Variants in DDX51 observed in about 807,000 individuals in gnomAD.
DDX51 encodes the protein DEAD-box helicase 51, also known as ATP-dependent RNA helicase DDX51.
DDX51 carries 67 observed loss-of-function variants against 74.6 expected under a neutral mutation model. That is an observed-to-expected ratio of 0.90 (90% CI 0.74 to 1.10). The LOEUF (loss-of-function observed/expected upper bound fraction) is 1.10. Among genes scored for constraint, DDX51 ranks in the 50% least tolerant of loss-of-function variants. The pLI is 0.00. For missense variants in DDX51, 1,056 were observed against 905.2 expected (o/e 1.17, Z -2.14); for synonymous variants, 545 against 402.9 (o/e 1.35, Z -4.22).
chr12:132,140,233 G>A (rs1897394627), intron 11 of DDX51, 34 bp from the exon 12 acceptor site: 3 of 1,600,586 alleles, frequency 1.9e-6, no homozygotes, highest in Non-Finnish European at 2.6e-6. Flanking sequence ...GGCCCGACGT[G>A]CCAGGAGCAG....
At position 132,143,822 on chromosome 12, in the gene DDX51, G is replaced by A. The variant is rs767757275; in HGVS notation, c.392C>T (p.Ala131Val). Residue 131 changes from alanine to valine, a missense_variant, in exon 2 of 15, where the codon GCG becomes GTG. Coordinates refer to ENST00000397333, the MANE Select transcript of DDX51 (RefSeq NM_175066.4). Reference protein sequence around the residue: ...GEPSAGSSEEAPGERSTSASA... With the variant: ...GEPSAGSSEEVPGERSTSASA... ...GGCGCTGGTGCTGCGCTCCCCCGGC[G>A]CCTCCTCGCTGCTCCCTGCGCTGGG... 15 of 1,498,104 alleles carry A rather than the reference G, an allele frequency of 1.0e-5. No individual in the cohort carries two copies. The highest frequency in any genetic ancestry group is 2.8e-5 in the East Asian group (1 of 35,408). 92.8% of individuals were successfully genotyped at this position (1,498,104 alleles called of 1,614,324 possible).
chr12:132,141,619 G>A lies in DDX51; in HGVS notation c.996-13C>T, dbSNP rs371485547. ...GTACCCATCAGCTCTACAGACCAGAGAGCAGCTCGAGAGAAGGAAGCTTTC... is the reference window on the plus strand; with the variant it reads ...GTACCCATCAGCTCTACAGACCAGAAAGCAGCTCGAGAGAAGGAAGCTTTC... On this transcript the variant is annotated splice_polypyrimidine_tract_variant and intron_variant, in intron 6 of 14. Transcript: ENST00000397333. 1.9e-6 allele frequency: 3 copies of A among 1,560,258 alleles called. No homozygotes were observed. The highest frequency in any genetic ancestry group is 2.6e-6 in the Non-Finnish European group (3 of 1,155,926).
At position 132,142,732 on chromosome 12, in the gene DDX51, A is replaced by C. The variant is rs1367367395; in HGVS notation, c.666T>G (p.Phe222Leu). ...GCCTGCCCGGGGCTGGGGCACCTGG[A>C]AAGTAGGACGAGATGCCGTGTGCCC... ...QLRAHGISSYFPVQAAVIPAL... is the reference protein window; with the variant it reads ...QLRAHGISSYLPVQAAVIPAL... The change falls in exon 3 of 15, where the codon TTT becomes TTG. Residue 222 changes from phenylalanine to leucine, a missense_variant. Transcript: ENST00000397333. 1.2e-6 allele frequency: 2 copies of C among 1,612,506 alleles called. No individual in the cohort carries two copies. The highest frequency in any genetic ancestry group is 1.7e-5 in the Admixed American group (1 of 59,996).
Position 132,142,442 on chromosome 12 carries a change from A to C in DDX51, c.671-20T>G. The C allele has an allele frequency of 6.2e-7, 1 of 1,608,980 alleles. No homozygotes were observed. The highest frequency in any genetic ancestry group is 8.5e-7 in the Non-Finnish European group (1 of 1,179,484). On this transcript the variant is annotated intron_variant, in intron 3 of 14. Transcript: ENST00000397333. ...CCTGGACTGGATGAGGAAAGGCGAG[A>C]GAGAAGTCGTGTTTACGCCTAGGCC...
At position 132,136,827 on chromosome 12, in the gene DDX51, CTAAGT is replaced by C. The variant is rs1897269467; in HGVS notation, c.*2440_*2444del. ...TCCAGGCACACGCCACCACGCTCAG[CTAAGT>C]TTTGTATTTTTAGTAGAGATGGGGT... On this transcript the variant is annotated 3_prime_UTR_variant, in exon 15 of 15. Transcript: ENST00000397333. 1 of 152,196 alleles carries C rather than the reference CTAAGT, an allele frequency of 6.6e-6. No homozygotes were observed. Among genetic ancestry groups the C allele is most frequent in the Admixed American group, 6.5e-5 (1 of 15,272 alleles). The allele number at this position is 152,196 out of a possible 1,614,324, so 9.4% of individuals were successfully genotyped here. A position where few individuals can be genotyped will look rare whatever the true frequency, so the allele number is the denominator to read the frequency against.
rs775929353 is a variant in DDX51, at chr12:132,140,240, G to C, written c.1674-41C>G. 4 of 1,596,574 alleles carry C rather than the reference G, an allele frequency of 2.5e-6. No homozygotes were observed. In the South Asian group the frequency reaches 3.3e-5, roughly 13 times the overall value. ...GCATTGTGGGCCCGACGTGCCAGGA[G>C]CAGGGGCCGTGGCAGCACCGGCCCT... On this transcript the variant is annotated intron_variant, in intron 11 of 14. Transcript: ENST00000397333.
rs1456961065 is a variant in DDX51 at position 132,138,001 on chromosome 12, A to C, written c.*1271T>G. On this transcript the variant is annotated 3_prime_UTR_variant, in exon 15 of 15. Coordinates refer to ENST00000397333, the MANE Select transcript of DDX51 (RefSeq NM_175066.4). ...TTCCGGGTTCATCCACGGGGTGCCT[A>C]TGCTGGTGCCTCACTCCTTTTTCTC... 6.6e-6 allele frequency: 1 copy of C among 152,208 alleles called. No individual in the cohort carries two copies. The highest frequency in any genetic ancestry group is 1.5e-5 in the Non-Finnish European group (1 of 68,058). The allele number at this position is 152,208 out of a possible 1,614,324, so 9.4% of individuals were successfully genotyped here.
chr12:132,140,453 A>G lies in DDX51; in HGVS notation c.1643T>C (p.Leu548Pro), dbSNP rs1337417897. ...GATCTTCCCCTGTTCAAACTGCTTC[A>G]GGATCATCCTCCTCTGGCCAGGCCC... ...RYGPGQRRMI[L>P]KQFEQGKIQL... The change falls in exon 11 of 15, where the codon CTG (leucine) becomes CCG (proline). Residue 548 changes from leucine (L) to proline (P), a missense_variant. Coordinates refer to ENST00000397333, the MANE Select transcript of DDX51 (RefSeq NM_175066.4). 6.2e-7 allele frequency: 1 copy of G among 1,613,294 alleles called. No homozygotes were observed. Among genetic ancestry groups the G allele is most frequent in the Non-Finnish European group, 8.5e-7 (1 of 1,180,010 alleles).
chr12:132,144,163 C>T lies in DDX51; in HGVS notation c.134G>A (p.Arg45Gln). 2 of 1,177,200 alleles carry T rather than the reference C, an allele frequency of 1.7e-6. No individual in the cohort carries two copies. The highest frequency in any genetic ancestry group is 1.6e-5 in the African/African-American group (1 of 62,222). The allele number at this position is 1,177,200 out of a possible 1,614,324, so 72.9% of individuals were successfully genotyped here. A position where few individuals can be genotyped will look rare whatever the true frequency, so the allele number is the denominator to read the frequency against. ...CTGCGCGGGCTCCCGCTGCTGCTGC[C>T]GTTCGCGGGCCCGGCTCTGCAGCCG... is the stretch of plus-strand genomic sequence containing the variant. ...LERLQSRARERQQQREPAQTE... is the reference protein window; with the variant it reads ...LERLQSRAREQQQQREPAQTE... Residue 45 changes from arginine (R) to glutamine (Q), a missense_variant, in exon 1 of 15, where the codon CGG becomes CAG. Arg to Gln is a conservative substitution (Grantham distance 43). Coordinates refer to ENST00000397333, the MANE Select transcript of DDX51 (RefSeq NM_175066.4).
Position 132,139,654 on chromosome 12 carries a change from T to C in DDX51, c.1955A>G (p.Gln652Arg), listed in dbSNP as rs752738328. The C allele has an allele frequency of 1.9e-6, 3 of 1,613,096 alleles. No homozygotes were observed. In the East Asian group the frequency reaches 6.7e-5, roughly 36 times the overall value. The change falls in exon 14 of 15, where the codon CAG becomes CGG. Residue 652 changes from glutamine to arginine, a missense_variant. Gln to Arg is a conservative substitution (Grantham distance 43). Transcript: ENST00000397333. ...CCTTACCTTGACAGACTCCTCCAGC[T>C]GGGACAGGGCCTCCTCGTACCGAGG... ...LVPRYEEALS[Q>R]LEESVKEERK...
Position 132,141,017 on chromosome 12 carries a change from G to A in DDX51, c.1254C>T (p.Thr418=), listed in dbSNP as rs967968660. The A allele has an allele frequency of 5.7e-6, 9 of 1,589,404 alleles. No individual in the cohort carries two copies. The highest frequency in any genetic ancestry group is 1.9e-5 in the Admixed American group (1 of 52,434). Residue 418 remains threonine, a synonymous_variant, in exon 9 of 15, where the codon ACC becomes ACT. Coordinates refer to ENST00000397333, the MANE Select transcript of DDX51 (RefSeq NM_175066.4). ...RQAQAVTAAS[T]CCPQMPLQKL... is the part of the protein sequence containing the mutation. Reference sequence around the variant, plus strand: ...TCTGCAGGGGCATCTGGGGACAGCAGGTGCTGGAAGAGAAGGGGGTGTTGC... The same window carrying A: ...TCTGCAGGGGCATCTGGGGACAGCAAGTGCTGGAAGAGAAGGGGGTGTTGC...
At chr12:132,142,586 A>G (rs1306231646) in intron 3 of DDX51, 142 bp downstream of exon 3, 60 of 1,470,954 alleles carry the variant, frequency 4.1e-5, no homozygotes, top group Non-Finnish European at 5.2e-5. Context: ...CAGGAGACCC[A>G]AGTGGGAACC....
intron 14 of DDX51, 162 bp from the exon 15 acceptor site, chr12:132,139,460 C>T: frequency 6.6e-7 from 1 of 1,521,288 alleles, no homozygotes; most frequent in Non-Finnish European, 9.1e-7. Context: ...CGTGTTTCCA[C>T]CACTGGTGCC....
At chr12:132,142,082 C>G (rs114915755) in intron 5 of DDX51, 37 bp downstream of exon 5, 3 of 1,561,682 alleles carry the variant, frequency 1.9e-6, no homozygotes, top group Non-Finnish European at 2.6e-6. Flanking sequence ...GAAGCTGAGG[C>G]GGGCGGTGCC....
chr12:132,140,147 G>C lies in DDX51; in HGVS notation c.1726C>G (p.Leu576Val), dbSNP rs1360634024. 6.2e-7 allele frequency: 1 copy of C among 1,612,912 alleles called. No homozygotes were observed. The highest frequency in any genetic ancestry group is 8.5e-7 in the Non-Finnish European group (1 of 1,179,986). Residue 576 changes from leucine (L) to valine (V), a missense_variant, in exon 12 of 15, where the codon CTG becomes GTG. Transcript: ENST00000397333. ...TGGGGGGCGTCGTAGTTCACCACCA[G>C]CTCCACACCCTGCACGTCGATGCCT... ...ARGIDVQGVELVVNYDAPQYL... is the reference protein window; with the variant it reads ...ARGIDVQGVEVVVNYDAPQYL...
chr12:132,142,211 G>A (rs1295177329), intron 4 of DDX51, 21 bp from the exon 5 acceptor site: 6 of 1,582,468 alleles, frequency 3.8e-6, no homozygotes, highest in African/African-American at 2.7e-5. Context: ...AGGAGCGCCT[G>A]CGTCAGCAAG....
In DDX51 at chr12:132,141,036, G is replaced by A. The variant is rs767686549; in HGVS notation, c.1251-16C>T. On this transcript the variant is annotated splice_polypyrimidine_tract_variant and intron_variant, in intron 8 of 14. Coordinates refer to ENST00000397333, the MANE Select transcript of DDX51 (RefSeq NM_175066.4). The stretch of plus-strand genomic sequence containing the variant: ...ACAGCAGGTGCTGGAAGAGAAGGGG[G>A]TGTTGCTGGCACCCTACCAGTGGCT... The A allele has an allele frequency of 6.3e-7, 1 of 1,581,854 alleles. No homozygotes were observed. The highest frequency in any genetic ancestry group is 1.9e-5 in the Admixed American group (1 of 52,286).
rs750919779 is a variant in DDX51 at position 132,140,068 on chromosome 12, C to G, written c.1775+30G>C. The G allele has an allele frequency of 2.5e-6, 4 of 1,607,872 alleles. No homozygotes were observed. In the East Asian group the frequency reaches 6.7e-5, roughly 27 times the overall value. The stretch of plus-strand genomic sequence containing the variant: ...GCCCAGGAGCTCACAAAGCCCCAGA[C>G]CCCCCAGTGGCCGCTGCGCCAGCGC... On this transcript the variant is annotated intron_variant, in intron 12 of 14. Transcript: ENST00000397333.
In DDX51 at chr12:132,143,865, C is replaced by T; in HGVS notation, c.349G>A (p.Glu117Lys). Reference sequence around the variant, plus strand: ...GCGCTGGGCTCCCCTGGCGCCTCCTCGCTGCTCCCTGCGCTGGGCTCCCCT... The same window carrying T: ...GCGCTGGGCTCCCCTGGCGCCTCCTTGCTGCTCCCTGCGCTGGGCTCCCCT... Reference protein sequence around the residue: ...APGEPSAGSSEEAPGEPSAGS... With the variant: ...APGEPSAGSSKEAPGEPSAGS... The change falls in exon 2 of 15, where the codon GAG (glutamate) becomes AAG (lysine). Residue 117 changes from glutamate to lysine, a missense_variant. By Grantham distance (56) the Glu-to-Lys change is moderately conservative (BLOSUM62 1). Coordinates refer to ENST00000397333, the MANE Select transcript of DDX51 (RefSeq NM_175066.4). The T allele has an allele frequency of 6.5e-7, 1 of 1,530,600 alleles. No homozygotes were observed. Among genetic ancestry groups the T allele is most frequent in the Non-Finnish European group, 8.7e-7 (1 of 1,146,614 alleles). The allele number at this position is 1,530,600 out of a possible 1,614,324, so 94.8% of individuals were successfully genotyped here. A position where few individuals can be genotyped will look rare whatever the true frequency, so the allele number is the denominator to read the frequency against.
Sources: allele counts gnomAD v4.1 joint callset, GRCh38; gene constraint gnomAD v4.1.1; transcripts MANE v1.5; gene names NCBI Gene and HGNC (gene_info 2026-07-23, HGNC 2026-07-21).